The following TBX3 variants were observed in gnomAD, a reference collection of about 807,000 sequenced individuals.
The protein encoded by TBX3 is T-box transcription factor TBX3.
Under a neutral mutation model 47.8 loss-of-function variants are expected in TBX3, and 11 were observed. The observed-to-expected ratio is 0.23, with a 90% confidence interval of 0.14 to 0.38. TBX3 has a LOEUF of 0.38. Ranked by LOEUF, TBX3 falls within the 10% of genes least tolerant of loss-of-function variation. The pLI, the probability that TBX3 is intolerant of heterozygous loss-of-function variation, is 1.00. For synonymous variants in TBX3, 500 were observed against 449.3 expected, an observed-to-expected ratio of 1.11 and a Z score of -1.43; for missense variants, 927 against 1,022.8, an observed-to-expected ratio of 0.91 and a Z score of 1.28.
At position 114,670,661 on chromosome 12, in the gene TBX3, C is replaced by G. The variant is rs564864118; in HGVS notation, c.*1180G>C. On this transcript the variant is annotated 3_prime_UTR_variant, in exon 7 of 7. Transcript: ENST00000349155. ...TGAAAATAGGAAATAGCACTTTCCC[C>G]CACTTTTGGACATTAAAAAAGAAAA... 2 of 210,656 alleles carry G rather than the reference C, an allele frequency of 9.5e-6. No individual in the cohort carries two copies. The highest frequency in any genetic ancestry group is 4.5e-5 in the African/African-American group (2 of 44,422). The allele number at this position is 210,656 out of a possible 1,614,324, so 13.0% of individuals were successfully genotyped here.
At position 114,683,219 on chromosome 12, in the gene TBX3, T is replaced by C; in HGVS notation, c.-19A>G. 2 of 1,607,152 alleles carry C rather than the reference T, an allele frequency of 1.2e-6. No individual in the cohort carries two copies. Among genetic ancestry groups the C allele is most frequent in the Non-Finnish European group, 1.7e-6 (2 of 1,176,094 alleles). ...GGCTCATCCACTCCAGGCGGGGCGC[T>C]GGGCTCCAGCCGGGGACAAGTCCGC... On this transcript the variant is annotated 5_prime_UTR_variant, in exon 1 of 7. Coordinates refer to ENST00000349155, the MANE Select transcript of TBX3 (RefSeq NM_005996.4). The surrounding 1 kb of genome is among the most constrained non-coding windows in gnomAD (Gnocchi z 7.7).
At position 114,674,172 on chromosome 12, in the gene TBX3, GC is replaced by G; in HGVS notation, c.1702del (p.Ala568ProfsTer44). On this transcript the variant is annotated frameshift_variant, in exon 6 of 7. Coordinates refer to ENST00000349155, the MANE Select transcript of TBX3 (RefSeq NM_005996.4). LOFTEE classifies it high-confidence loss of function. ...AGGAAGAAGGATCCATACCTGAGAG[GC>G]CAGGACGTGCTGCTGGAGGTGGAAG... The part of the protein sequence containing the change: ...LPFHLQQHVL[A>X]SQGLAMSPFG... 1 of 1,582,874 alleles carries G rather than the reference GC, an allele frequency of 6.3e-7. No homozygotes were observed. Among genetic ancestry groups the G allele is most frequent in the Non-Finnish European group, 8.6e-7 (1 of 1,166,522 alleles).
chr12:114,678,020 TCA>T (rs3068592), intron 3 of TBX3, among the ~76,000 whole-genome samples: 12,196 of 143,910 alleles, frequency 0.085, 577 homozygotes, highest in East Asian at 0.14. Flanking sequence ...CATACTCCCT[TCA>T]CACACACACA....
At position 114,671,249 on chromosome 12, in the gene TBX3, C is replaced by T. The variant is rs566210838; in HGVS notation, c.*592G>A. ...ACCTACAGCGGCTCTGAAAACATCA[C>T]AAGAATATTAAAAAGACACAGATTT... is the stretch of plus-strand genomic sequence containing the variant. On this transcript the variant is annotated 3_prime_UTR_variant, in exon 7 of 7. Transcript: ENST00000349155. 4.3e-6 allele frequency: 1 copy of T among 230,894 alleles called. No individual in the cohort carries two copies. The highest frequency in any genetic ancestry group is 8.6e-6 in the Non-Finnish European group (1 of 116,732). The allele number at this position is 230,894 out of a possible 1,614,324, so 14.3% of individuals were successfully genotyped here. A position where few individuals can be genotyped will look rare whatever the true frequency, so the allele number is the denominator to read the frequency against.
chr12:114,682,287 C>T lies in TBX3; in HGVS notation c.389+525G>A, dbSNP rs60747409. Among the ~76,000 whole-genome samples the T allele has an allele frequency of 2.1e-4, 32 of 152,252 alleles. No individual in the cohort carries two copies. The East Asian group carries it at 6.2e-3, about 29-fold the overall frequency. On this transcript the variant is annotated intron_variant, in intron 1 of 6. Coordinates refer to ENST00000349155, the MANE Select transcript of TBX3 (RefSeq NM_005996.4). ...AGTGTGGGCAAACAAACCAAAATGC[C>T]CTTCGATTTCTCTCTGACCAGGGCA...
rs1276318169 is a variant in TBX3, at chr12:114,683,301, A to AG, written c.-102dup. On this transcript the variant is annotated 5_prime_UTR_variant, in exon 1 of 7. Transcript: ENST00000349155. This position sits in a 1 kb window ranked among gnomAD's most constrained non-coding sequence, Gnocchi z 7.7. ...GTTTAACAGCAGCACATAATTCAAA[A>AG]GGGGGGAAAAAGCAAAACAAAAAAG... 6 of 1,499,626 alleles carry AG rather than the reference A, an allele frequency of 4.0e-6. No homozygotes were observed. The highest frequency in any genetic ancestry group is 4.1e-5 in the Admixed American group (2 of 48,220). The allele number at this position is 1,499,626 out of a possible 1,614,324, so 92.9% of individuals were successfully genotyped here. A position where few individuals can be genotyped will look rare whatever the true frequency, so the allele number is the denominator to read the frequency against.
In TBX3 at chr12:114,676,319, G is replaced by A. The variant is rs769757791; in HGVS notation, c.1033C>T (p.Leu345Phe). Residue 345 changes from leucine (L) to phenylalanine (F), a missense_variant, in exon 5 of 7, where the codon CTC becomes TTC. Leu to Phe is a conservative substitution (Grantham distance 22). This residue lies in a region of TBX3 where 44 missense variants were observed against 59.3 expected (regional missense o/e 0.74). Coordinates refer to ENST00000349155, the MANE Select transcript of TBX3 (RefSeq NM_005996.4). ...CAAAGGTGACATGGTTTACCTTTGA[G>A]GTTCGATGTCCCTACAGTGGAGGCG... ...PAASTVGTSN[L>F]KDLCPSEGES... is the part of the protein sequence containing the mutation. 2.5e-6 allele frequency: 4 copies of A among 1,613,824 alleles called. No individual in the cohort carries two copies. The South Asian group carries it at 3.3e-5, about 13-fold the overall frequency.
intron 5 of TBX3, 133 bp from the exon 6 acceptor site, chr12:114,674,968 C>T: frequency 8.8e-7 from 1 of 1,139,696 alleles, no homozygotes; most frequent in East Asian, 2.6e-5. Context: ...AGCCCCTTAG[C>T]CTCTCTGCAC....
Position 114,674,337 on chromosome 12 carries a change from C to A in TBX3, c.1538G>T (p.Ser513Ile). ...SQFAMGGAFS[S>I]MAAAGMGPLL... ...GGGACCCATGCCAGCGGCCGCCATG[C>A]TGGAGAAGGCGCCCCCCATGGCAAA... Residue 513 changes from serine (S) to isoleucine (I), a missense_variant, in exon 6 of 7, where the codon AGC becomes ATC. This residue lies in a region of TBX3 where 623 missense variants were observed against 569.0 expected (regional missense o/e 1.09). Coordinates refer to ENST00000349155, the MANE Select transcript of TBX3 (RefSeq NM_005996.4). 2 of 1,562,340 alleles carry A rather than the reference C, an allele frequency of 1.3e-6. No individual in the cohort carries two copies. Among genetic ancestry groups the A allele is most frequent in the East Asian group, 2.4e-5 (1 of 41,788 alleles).
intron 6 of TBX3, among the ~76,000 whole-genome samples, chr12:114,673,685 T>G (rs1868556851): frequency 6.6e-6 from 1 of 152,128 alleles, no homozygotes; most frequent in African/African-American, 2.4e-5. Flanking sequence ...GAAGCTAAAA[T>G]CAGAAACCCT....
chr12:114,684,071 G>GGAGAGAGAGAGAGGGGGAGAGAGAGA lies in TBX3; in HGVS notation c.-872_-871insTCTCTCTCTCCCCCTCTCTCTCTCTC, dbSNP rs1555208525. The GGAGAGAGAGAGAGGGGGAGAGAGAGA allele has an allele frequency of 8.1e-5, 18 of 221,194 alleles. No individual in the cohort carries two copies. Among genetic ancestry groups the GGAGAGAGAGAGAGGGGGAGAGAGAGA allele is most frequent in the Middle Eastern group, 1.3e-3 (1 of 760 alleles). 13.7% of individuals were successfully genotyped at this position (221,194 alleles called of 1,614,324 possible). On this transcript the variant is annotated 5_prime_UTR_variant, in exon 1 of 7. Coordinates refer to ENST00000349155, the MANE Select transcript of TBX3 (RefSeq NM_005996.4). Reference sequence around the variant, plus strand: ...TGGAACAGAGGGAAAGAGAGGGAGGGGAGAGAGAGAGAGAGAGAGAGAGAC... The same window carrying GGAGAGAGAGAGAGGGGGAGAGAGAGA: ...TGGAACAGAGGGAAAGAGAGGGAGGGGAGAGAGAGAGAGGGGGAGAGAGAGAGAGAGAGAGAGAGAGAGAGAGAGAC...
chr12:114,680,598 A>G (rs535554983), intron 2 of TBX3: 36 of 542,240 alleles, frequency 6.6e-5, no homozygotes, highest in South Asian at 5.6e-4. Context: ...GCTCTTAAAA[A>G]ATGGTTTTTA....
rs1021225665 is a variant in TBX3 at position 114,670,488 on chromosome 12, A to T, written c.*1353T>A. On this transcript the variant is annotated 3_prime_UTR_variant, in exon 7 of 7. Coordinates refer to ENST00000349155, the MANE Select transcript of TBX3 (RefSeq NM_005996.4). The stretch of plus-strand genomic sequence containing the variant: ...AGTAAATTCCACTTCGTTTTGAGGA[A>T]ATCAGAGACTAGCAAATACAAATAA... 7 of 220,276 alleles carry T rather than the reference A, an allele frequency of 3.2e-5. No homozygotes were observed. Among genetic ancestry groups the T allele is most frequent in the Non-Finnish European group, 6.4e-5 (7 of 109,966 alleles). 13.6% of individuals were successfully genotyped at this position (220,276 alleles called of 1,614,324 possible).
In TBX3 at chr12:114,671,713, G is replaced by A; in HGVS notation, c.*128C>T. On this transcript the variant is annotated 3_prime_UTR_variant, in exon 7 of 7. Coordinates refer to ENST00000349155, the MANE Select transcript of TBX3 (RefSeq NM_005996.4). ...GCACATTCTCTCGAGGGAGTCCGGG[G>A]CCCCTTCCCAGACGCAACTGCAAAA... 1 of 1,234,990 alleles carries A rather than the reference G, an allele frequency of 8.1e-7. No homozygotes were observed. 76.5% of individuals were successfully genotyped at this position (1,234,990 alleles called of 1,614,324 possible).
Position 114,670,749 on chromosome 12 carries a change from T to C in TBX3, c.*1092A>G. ...GTGTTGGTGCAGGAAGTGTGTTTTC[T>C]AGTGTTAACAGCAATTCTGTGACCT... On this transcript the variant is annotated 3_prime_UTR_variant, in exon 7 of 7. Coordinates refer to ENST00000349155, the MANE Select transcript of TBX3 (RefSeq NM_005996.4). 4.7e-6 allele frequency: 1 copy of C among 212,628 alleles called. No homozygotes were observed. The highest frequency in any genetic ancestry group is 7.2e-5 in the East Asian group (1 of 13,948). 13.2% of individuals were successfully genotyped at this position (212,628 alleles called of 1,614,324 possible).
chr12:114,683,533 G>A lies in TBX3; in HGVS notation c.-333C>T, dbSNP rs2121161787. The A allele has an allele frequency of 2.8e-6, 1 of 356,854 alleles. No individual in the cohort carries two copies. Among genetic ancestry groups the A allele is most frequent in the South Asian group, 5.3e-5 (1 of 18,724 alleles). The allele number at this position is 356,854 out of a possible 1,614,324, so 22.1% of individuals were successfully genotyped here. On this transcript the variant is annotated 5_prime_UTR_variant, in exon 1 of 7. Transcript: ENST00000349155. The surrounding 1 kb of genome is among the most constrained non-coding windows in gnomAD (Gnocchi z 7.7). ...TTTCAGAAGCGAGAGGAGCGAGCAG[G>A]GTCTCGACTCGCGCCCGAGCCCTGC...
rs10290 is a variant in TBX3 at position 114,676,331 on chromosome 12, C to T, written c.1021G>A (p.Gly341Arg). The change falls in exon 5 of 7, where the codon GGG becomes AGG. Residue 341 changes from glycine (G) to arginine (R), a missense_variant. Physicochemically the swap from Gly to Arg is moderately radical, Grantham distance 125 (BLOSUM62 -2). Transcript: ENST00000349155. ...QASSPAASTV[G>R]TSNLKDLCPS... ...GGTTTACCTTTGAGGTTCGATGTCC[C>T]TACAGTGGAGGCGGCTGGAGAAGAA... is the stretch of plus-strand genomic sequence containing the variant. The T allele has an allele frequency of 1.2e-6, 2 of 1,614,052 alleles. No homozygotes were observed. Among genetic ancestry groups the T allele is most frequent in the Non-Finnish European group, 1.7e-6 (2 of 1,180,036 alleles).
In TBX3 at chr12:114,676,326, T is replaced by C. The variant is rs1868706920; in HGVS notation, c.1026A>G (p.Thr342=). The C allele has an allele frequency of 1.9e-6, 3 of 1,613,974 alleles. No homozygotes were observed. The highest frequency in any genetic ancestry group is 2.5e-6 in the Non-Finnish European group (3 of 1,180,026). ...GACATGGTTTACCTTTGAGGTTCGA[T>C]GTCCCTACAGTGGAGGCGGCTGGAG... ...ASSPAASTVG[T]SNLKDLCPSE... is the part of the protein sequence containing the mutation. Residue 342 remains threonine, a synonymous_variant, in exon 5 of 7, where the codon ACA becomes ACG. Transcript: ENST00000349155.
At chr12:114,680,243 G>A (rs528205775) in intron 2 of TBX3, 40 of 498,026 alleles carry the variant, frequency 8.0e-5, no homozygotes, top group Non-Finnish European at 1.3e-4. Flanking sequence ...GGAGGGGTAG[G>A]AAAAGGCGCA....
Sources: gnomAD v4.1 joint callset for allele counts (sites outside exome capture counted in the v4.1 genomes callset) on GRCh38, gnomAD v4.1.1 for gene constraint, gnomAD v4.1.1 regional missense constraint, Gnocchi (gnomAD v3.1) non-coding constraint, MANE v1.5 for transcripts, NCBI Gene and HGNC (gene_info 2026-07-23, HGNC 2026-07-21) for gene names.